Variants in PHF2 observed in about 807,000 individuals in gnomAD.
PHF2 encodes lysine-specific demethylase PHF2.
Under a neutral mutation model 120.5 loss-of-function variants are expected in PHF2, and 27 were observed. The ratio of observed to expected loss-of-function variants is 0.22; its 90% confidence interval spans 0.17 to 0.31. The LOEUF (loss-of-function observed/expected upper bound fraction) is 0.31, where lower values mean the gene tolerates loss of function less well. PHF2 is among the 10% of genes least tolerant of loss of function. The probability of loss-of-function intolerance (pLI) is 1.00; values close to 1 mark genes in which losing one functional copy is unlikely to be tolerated. For missense variants in PHF2, 1,024 were observed against 1,434.8 expected (o/e 0.71, Z 4.63); for synonymous variants, 568 against 592.5 (o/e 0.96, Z 0.60).
At chr9:93,611,270 A>T (rs1050850451) in intron 1 of PHF2, among the ~76,000 whole-genome samples, 6 of 151,920 alleles carry the variant, frequency 3.9e-5, no homozygotes, top group Non-Finnish European at 7.4e-5. Flanking sequence ...ACAAAACTAG[A>T]CAGGCGTGGT....
intron 1 of PHF2, among the ~76,000 whole-genome samples, chr9:93,598,428 A>G (rs937980125): frequency 2.0e-5 from 3 of 152,152 alleles, no homozygotes; most frequent in African/African-American, 7.2e-5. Flanking sequence ...CTGTCAGTCC[A>G]TGGGGCCCCG....
At chr9:93,611,842 T>C (rs1825640968) in intron 1 of PHF2, among the ~76,000 whole-genome samples, 2 of 152,128 alleles carry the variant, frequency 1.3e-5, no homozygotes, top group Non-Finnish European at 2.9e-5. Context: ...TTAAAGTCCT[T>C]GATGGGTAGC....
chr9:93,578,176 G>C (rs1254003557), intron 1 of PHF2, among the ~76,000 whole-genome samples: 1 of 152,160 alleles, frequency 6.6e-6, no homozygotes, highest in Non-Finnish European at 1.5e-5. Context: ...TGCTATGTCT[G>C]TCAGCCCCAG....
At chr9:93,617,582 T>A (rs1460925236) in intron 1 of PHF2, among the ~76,000 whole-genome samples, 1 of 152,190 alleles carries the variant, frequency 6.6e-6, no homozygotes, top group Non-Finnish European at 1.5e-5. Flanking sequence ...CAGCTTTCTT[T>A]TTCTTGGCCG....
rs575926368 is a variant in PHF2 at position 93,679,475 on chromosome 9, A to T, written c.*1799A>T. On this transcript the variant is annotated 3_prime_UTR_variant, in exon 22 of 22. Coordinates refer to ENST00000359246, the MANE Select transcript of PHF2 (RefSeq NM_005392.4). ...ATTTCTAACAAAGTTTATCGTGGCT[A>T]TTAAAGTGTTTTATTTCCCAATTCA... 1 of 305,998 alleles carries T rather than the reference A, an allele frequency of 3.3e-6. No homozygotes were observed. Among genetic ancestry groups the T allele is most frequent in the South Asian group, 2.7e-5 (1 of 36,938 alleles). 19.0% of individuals were successfully genotyped at this position (305,998 alleles called of 1,614,324 possible). A position where few individuals can be genotyped will look rare whatever the true frequency, so the allele number is the denominator to read the frequency against.
In PHF2 at chr9:93,629,961, T is replaced by C. The variant is rs1304015129; in HGVS notation, c.99-9T>C. On this transcript the variant is annotated splice_polypyrimidine_tract_variant and intron_variant, in intron 1 of 21. Transcript: ENST00000359246. Reference sequence around the variant, plus strand: ...TGCCTAGGTAATGGTCTATTTCGTCTCGTTTCAGCTGTGTTGGGGTGGAAG... The same window carrying C: ...TGCCTAGGTAATGGTCTATTTCGTCCCGTTTCAGCTGTGTTGGGGTGGAAG... 6.2e-7 allele frequency: 1 copy of C among 1,614,000 alleles called. No homozygotes were observed.
rs116942201 is a variant in PHF2 at position 93,646,663 on chromosome 9, C to T, written c.460+874C>T. Among the ~76,000 whole-genome samples the T allele has an allele frequency of 2.0e-5, 3 of 152,268 alleles. No individual in the cohort carries two copies. In the East Asian group the frequency reaches 5.8e-4, roughly 29 times the overall value. ...GGTGAAATGAAGTCACCTGTACAAG[C>T]CTCTGGGCACATAGGGGCACCCACC... On this transcript the variant is annotated intron_variant, in intron 4 of 21. Coordinates refer to ENST00000359246, the MANE Select transcript of PHF2 (RefSeq NM_005392.4).
intron 2 of PHF2, among the ~76,000 whole-genome samples, chr9:93,632,297 G>A (rs1366144430): frequency 1.3e-5 from 2 of 151,716 alleles, no homozygotes; most frequent in Admixed American, 1.3e-4. Flanking sequence ...GCAGATGGTG[G>A]GACCCCCAGC....
At position 93,674,979 on chromosome 9, in the gene PHF2, G is replaced by A. The variant is rs34854229; in HGVS notation, c.2679G>A (p.Ser893=). ...DEDNPIFKSR[S]KKRKGSDDAP... is the part of the protein sequence containing the mutation. Reference sequence around the variant, plus strand: ...ACAACCCCATCTTTAAGTCCCGGTCGAAGAAAAGGAAAGGCTCAGACGACG... The same window carrying A: ...ACAACCCCATCTTTAAGTCCCGGTCAAAGAAAAGGAAAGGCTCAGACGACG... Residue 893 remains serine, a synonymous_variant, in exon 19 of 22, where the codon TCG becomes TCA. Coordinates refer to ENST00000359246, the MANE Select transcript of PHF2 (RefSeq NM_005392.4). The A allele has an allele frequency of 2.1e-3, 3,332 of 1,613,864 alleles. 5 individuals are homozygous for A. The highest frequency in any genetic ancestry group is 2.5e-3 in the Non-Finnish European group (2,901 of 1,179,958).
In PHF2 at chr9:93,643,288, A is replaced by G. The variant is rs148774210; in HGVS notation, c.300-2341A>G. ...GTTCCCAACCGATGGGTTTAGTGCA[A>G]GTTTGGAACTCTCACTGCTAGGACG... is the stretch of plus-strand genomic sequence containing the variant. On this transcript the variant is annotated intron_variant, in intron 3 of 21. Coordinates refer to ENST00000359246, the MANE Select transcript of PHF2 (RefSeq NM_005392.4). Among the ~76,000 whole-genome samples, 605 of 152,186 alleles carry G rather than the reference A, an allele frequency of 4.0e-3. 6 individuals are homozygous for G. Among genetic ancestry groups the G allele is most frequent in the African/African-American group, 0.014 (568 of 41,516 alleles).
chr9:93,631,645 C>T (rs2001995), intron 2 of PHF2, among the ~76,000 whole-genome samples: 21,420 of 152,120 alleles, frequency 0.14, 1,587 homozygotes, highest in Non-Finnish European at 0.17. Context: ...GCTGTCTTTA[C>T]GACAGGAATG....
intron 7 of PHF2, among the ~76,000 whole-genome samples, chr9:93,654,963 A>G (rs1826432888): frequency 6.6e-6 from 1 of 152,214 alleles, no homozygotes; most frequent in African/African-American, 2.4e-5. Flanking sequence ...GACAGCAGCC[A>G]TGACATCAGA....
At chr9:93,639,890 C>T (rs1374565166) in intron 3 of PHF2, among the ~76,000 whole-genome samples, 1 of 152,226 alleles carries the variant, frequency 6.6e-6, no homozygotes, top group Non-Finnish European at 1.5e-5. Flanking sequence ...GAGTGTCCAC[C>T]TCTGAGCTCT....
intron 3 of PHF2, among the ~76,000 whole-genome samples, chr9:93,640,971 T>TTGTTG (rs1175312758): frequency 6.6e-6 from 1 of 152,214 alleles, no homozygotes; most frequent in East Asian, 1.9e-4. Context: ...AATTTCATGT[T>TTGTTG]AAACAGAGTC....
At chr9:93,613,480 C>G (rs1410216190) in intron 1 of PHF2, among the ~76,000 whole-genome samples, 2 of 151,744 alleles carry the variant, frequency 1.3e-5, no homozygotes, top group Admixed American at 1.3e-4. Flanking sequence ...GCAGTGGTGC[C>G]CAGGCCTGGC....
intron 1 of PHF2, among the ~76,000 whole-genome samples, chr9:93,585,110 C>T (rs189161709): frequency 3.9e-5 from 6 of 152,350 alleles, no homozygotes; most frequent in Admixed American, 6.5e-5. Flanking sequence ...ACTGTACATG[C>T]GCAGGGTGCT....
chr9:93,601,608 G>A (rs1454167054), intron 1 of PHF2, among the ~76,000 whole-genome samples: 2 of 152,262 alleles, frequency 1.3e-5, no homozygotes, highest in African/African-American at 4.8e-5. Flanking sequence ...CCACTGCTGC[G>A]AGGGTGTCTC....
chr9:93,656,576 C>T lies in PHF2; in HGVS notation c.1128C>T (p.His376=). ...CTGCGTGCTGGTACATGGGGAAGCA[C>T]CTGCTGGAGGCATTCAAAGGTACTG... ...FETACWYMGK[H]LLEAFKGSHK... Residue 376 remains histidine (H), a synonymous_variant, in exon 9 of 22, where the codon CAC becomes CAT. Coordinates refer to ENST00000359246, the MANE Select transcript of PHF2 (RefSeq NM_005392.4). This position sits in a 1 kb window ranked among gnomAD's most constrained non-coding sequence, Gnocchi z 4.1. The T allele has an allele frequency of 3.7e-6, 6 of 1,613,358 alleles. No homozygotes were observed. The highest frequency in any genetic ancestry group is 5.1e-6 in the Non-Finnish European group (6 of 1,179,528).
chr9:93,601,606 G>T (rs1825439146), intron 1 of PHF2, among the ~76,000 whole-genome samples: 1 of 152,110 alleles, frequency 6.6e-6, no homozygotes, highest in Non-Finnish European at 1.5e-5. Flanking sequence ...GCCCACTGCT[G>T]CGAGGGTGTC....
Sources: allele counts gnomAD v4.1 joint callset (sites outside exome capture counted in the v4.1 genomes callset), GRCh38; gene constraint gnomAD v4.1.1; non-coding constraint Gnocchi (gnomAD v3.1); transcripts MANE v1.5; gene names NCBI Gene and HGNC (gene_info 2026-07-23, HGNC 2026-07-21).